Variants in SDCCAG8 observed in about 807,000 individuals in gnomAD.
SDCCAG8 encodes serologically defined colon cancer antigen 8.
In SDCCAG8, 74 loss-of-function variants were observed where a neutral mutation model predicts 101.8. The ratio of observed to expected loss-of-function variants is 0.73; its 90% CI spans 0.60 to 0.88. The LOEUF is 0.88. Ranked by LOEUF, SDCCAG8 falls within the 40% of genes least tolerant of loss-of-function variation. The probability of loss-of-function intolerance (pLI) is 0.00; values close to 1 mark genes in which losing one functional copy is unlikely to be tolerated. For missense variants in SDCCAG8, 787 were observed against 822.6 expected (o/e 0.96, Z 0.53); for synonymous variants, 281 against 292.9 (o/e 0.96, Z 0.41).
chr1:243,491,685 G>A lies in SDCCAG8; in HGVS notation c.2112+2545G>A, dbSNP rs1345453398. ...TTGAGTTGTGAGTTAGGCTTCTGCTGAGCCATGATGTGGGCGAGGCTGCTG... is the reference window on the plus strand; with the variant it reads ...TTGAGTTGTGAGTTAGGCTTCTGCTAAGCCATGATGTGGGCGAGGCTGCTG... On this transcript the variant is annotated intron_variant, in intron 17 of 17. Transcript: ENST00000366541. Among the ~76,000 whole-genome samples, 16 of 152,194 alleles carry A rather than the reference G, an allele frequency of 1.1e-4. 1 individual carries two copies.
At chr1:243,394,013 C>G (rs766870101) in intron 13 of SDCCAG8, among the ~76,000 whole-genome samples, 1 of 152,128 alleles carries the variant, frequency 6.6e-6, no homozygotes, top group Non-Finnish European at 1.5e-5. Flanking sequence ...AAAGAGAAAA[C>G]TGACCTGTTA....
chr1:243,304,914 C>T, intron 7 of SDCCAG8, 137 bp downstream of exon 7: 1 of 652,108 alleles, frequency 1.5e-6, no homozygotes, highest in Non-Finnish European at 2.7e-6. Context: ...AAAAAATTTC[C>T]TCAGATTATT....
At chr1:243,304,524 G>C (rs1047812069) in intron 6 of SDCCAG8, among the ~76,000 whole-genome samples, 189 bp from the exon 7 acceptor site, 2 of 152,144 alleles carry the variant, frequency 1.3e-5, no homozygotes, top group Non-Finnish European at 2.9e-5. Context: ...TGACTCAGCG[G>C]TTCTTTGCAG....
At chr1:243,374,645 A>G (rs1327070171) in intron 12 of SDCCAG8, among the ~76,000 whole-genome samples, 3 of 152,116 alleles carry the variant, frequency 2.0e-5, no homozygotes, top group African/African-American at 7.2e-5. Context: ...GCAGGCGAAT[A>G]CTCGAAAATG....
chr1:243,256,337 C>A, intron 1 of SDCCAG8, 97 bp downstream of exon 1: 1 of 929,366 alleles, frequency 1.1e-6, no homozygotes, highest in South Asian at 1.3e-5. Flanking sequence ...GGGTTCTGCC[C>A]CGTCCACGCT....
At chr1:243,342,255 T>C (rs903543251) in intron 11 of SDCCAG8, among the ~76,000 whole-genome samples, 5 of 152,152 alleles carry the variant, frequency 3.3e-5, no homozygotes, top group African/African-American at 1.2e-4. Flanking sequence ...CAGCTTTCTG[T>C]TGAAATCAGT....
At chr1:243,274,804 A>G in intron 4 of SDCCAG8, 148 bp downstream of exon 4, 6 of 593,978 alleles carry the variant, frequency 1.0e-5, no homozygotes, top group Non-Finnish European at 1.8e-5. Flanking sequence ...CTGATGTGTC[A>G]CAAGAGCTTG....
intron 16 of SDCCAG8, among the ~76,000 whole-genome samples, chr1:243,447,750 AATT>A (rs1201302179): frequency 6.6e-6 from 1 of 152,240 alleles, no homozygotes; most frequent in Non-Finnish European, 1.5e-5. Flanking sequence ...AAGTCTTCAG[AATT>A]ATTAACCATT....
At chr1:243,436,509 T>A (rs567099233) in intron 16 of SDCCAG8, among the ~76,000 whole-genome samples, 1 of 152,338 alleles carries the variant, frequency 6.6e-6, no homozygotes, top group East Asian at 1.9e-4. Context: ...TGCTCTATTC[T>A]ACTACTTTTG....
intron 16 of SDCCAG8, among the ~76,000 whole-genome samples, chr1:243,463,887 G>A (rs1659621209): frequency 6.6e-6 from 1 of 151,940 alleles, no homozygotes; most frequent in South Asian, 2.1e-4. Flanking sequence ...GAAATCTCTT[G>A]GAAATACCCA....
chr1:243,332,142 T>C (rs2802726), intron 10 of SDCCAG8, among the ~76,000 whole-genome samples: 64,511 of 151,918 alleles, frequency 0.42, 14,589 homozygotes, highest in East Asian at 0.74. Flanking sequence ...GCATCGCACT[T>C]TCTAGGAATT....
chr1:243,376,858 A>G (rs553458563), intron 12 of SDCCAG8, among the ~76,000 whole-genome samples: 1 of 152,282 alleles, frequency 6.6e-6, no homozygotes, highest in Non-Finnish European at 1.5e-5. Flanking sequence ...CCTCTGTCAT[A>G]TTGCATACCT....
chr1:243,440,571 G>T (rs1558472884), intron 16 of SDCCAG8, among the ~76,000 whole-genome samples: 1 of 152,274 alleles, frequency 6.6e-6, no homozygotes, highest in Non-Finnish European at 1.5e-5. Context: ...TTGACATGGG[G>T]TTGGAGCTGT....
chr1:243,435,924 G>A (rs1029537499), intron 16 of SDCCAG8, among the ~76,000 whole-genome samples: 1 of 152,052 alleles, frequency 6.6e-6, no homozygotes, highest in Non-Finnish European at 1.5e-5. Context: ...AAAATTGAAA[G>A]GAAGGTACAA....
intron 10 of SDCCAG8, among the ~76,000 whole-genome samples, chr1:243,332,406 C>T (rs1472269681): frequency 6.6e-6 from 1 of 152,200 alleles, no homozygotes. Context: ...TGGAGATCAG[C>T]TGGAGGTCAT....
chr1:243,332,006 G>A (rs904407860), intron 10 of SDCCAG8, among the ~76,000 whole-genome samples: 3 of 152,208 alleles, frequency 2.0e-5, no homozygotes, highest in African/African-American at 7.2e-5. Flanking sequence ...AGGCAGTCAC[G>A]AAAGACTTTC....
chr1:243,364,995 T>C (rs1024215568), intron 12 of SDCCAG8, among the ~76,000 whole-genome samples: 7 of 152,220 alleles, frequency 4.6e-5, no homozygotes, highest in African/African-American at 1.7e-4. Context: ...ACAGACGATA[T>C]GTTTTCTTTA....
chr1:243,301,089 G>A (rs923069808), intron 6 of SDCCAG8, among the ~76,000 whole-genome samples: 1 of 152,014 alleles, frequency 6.6e-6, no homozygotes, highest in South Asian at 2.1e-4. Context: ...CAAAACTTAT[G>A]TACACTATCA....
At chr1:243,262,233 A>C (rs1170791996) in intron 1 of SDCCAG8, among the ~76,000 whole-genome samples, 1 of 147,808 alleles carries the variant, frequency 6.8e-6, no homozygotes, top group Non-Finnish European at 1.5e-5. Flanking sequence ...CAGCCTCCCG[A>C]GTAGCTGTGA....
Sources: allele counts gnomAD v4.1 joint callset (sites outside exome capture counted in the v4.1 genomes callset), GRCh38; gene constraint gnomAD v4.1.1; transcripts MANE v1.5; gene names NCBI Gene and HGNC (gene_info 2026-07-23, HGNC 2026-07-21).